The following NALCN variants were observed in gnomAD, a reference collection of about 807,000 sequenced individuals.
NALCN encodes the protein sodium leak channel, non-selective, also known as sodium leak channel NALCN.
A neutral mutation model predicts 225.3 loss-of-function variants in NALCN; 111 were observed. That is an observed-to-expected ratio of 0.49 (90% CI 0.42 to 0.58). NALCN has a LOEUF of 0.58. Among genes scored for constraint, NALCN ranks in the 20% least tolerant of loss-of-function variants. NALCN has a pLI of 0.00. For missense variants in NALCN, 1,378 were observed against 2,202.4 expected (o/e 0.63, Z 7.49); for synonymous variants, 764 against 769.0 (o/e 0.99, Z 0.11).
In NALCN at chr13:101,275,968, G is replaced by T. The variant is rs562208556; in HGVS notation, c.1134+7965C>A. Among the ~76,000 whole-genome samples the T allele has an allele frequency of 7.4e-5, 11 of 149,636 alleles. No individual in the cohort carries two copies. The South Asian group carries it at 2.3e-3, about 32-fold the overall frequency. On this transcript the variant is annotated intron_variant, in intron 10 of 43. Transcript: ENST00000251127. Reference sequence around the variant, plus strand: ...AGTCTCAGCTACTCAGGAGGCTGAGGCAGGAGAATCGCTTGAACCTGGGAG... The same window carrying T: ...AGTCTCAGCTACTCAGGAGGCTGAGTCAGGAGAATCGCTTGAACCTGGGAG...
intron 13 of NALCN, among the ~76,000 whole-genome samples, chr13:101,214,750 A>G (rs2040664953): frequency 6.6e-6 from 1 of 152,136 alleles, no homozygotes; most frequent in South Asian, 2.1e-4. Context: ...CAAAGTCATG[A>G]ACCTTTGAAA....
chr13:101,301,524 CA>C (rs1484722932), intron 7 of NALCN, among the ~76,000 whole-genome samples: 2 of 152,038 alleles, frequency 1.3e-5, no homozygotes, highest in African/African-American at 4.8e-5. Context: ...AGCTTGAGAC[CA>C]ACCTGGCCAA....
intron 17 of NALCN, 171 bp downstream of exon 17, chr13:101,142,909 A>G: frequency 1.1e-6 from 1 of 920,110 alleles, no homozygotes; most frequent in Non-Finnish European, 1.6e-6. Context: ...CAAAATTTCA[A>G]TGCATAGAGT....
At chr13:101,213,347 GA>G (rs773040969) in intron 13 of NALCN, among the ~76,000 whole-genome samples, 13 of 152,174 alleles carry the variant, frequency 8.5e-5, no homozygotes, top group Non-Finnish European at 1.5e-4. Flanking sequence ...AAAAACCCTA[GA>G]AGAAAATCTA....
chr13:101,244,565 T>G (rs2041838992), intron 11 of NALCN, among the ~76,000 whole-genome samples: 1 of 152,204 alleles, frequency 6.6e-6, no homozygotes, highest in South Asian at 2.1e-4. Context: ...TTTGTTAACT[T>G]TTACAAGCCA....
chr13:101,306,382 C>G (rs2044154942), intron 7 of NALCN, among the ~76,000 whole-genome samples: 1 of 152,218 alleles, frequency 6.6e-6, no homozygotes, highest in Admixed American at 6.5e-5. Flanking sequence ...TGTGACCCTT[C>G]TCCCACGTCG....
intron 15 of NALCN, among the ~76,000 whole-genome samples, chr13:101,173,127 A>G (rs554619031): frequency 6.6e-6 from 1 of 152,272 alleles, no homozygotes; most frequent in Admixed American, 6.5e-5. Flanking sequence ...CTCTGATTAG[A>G]TCCTCTGAGT....
intron 6 of NALCN, among the ~76,000 whole-genome samples, chr13:101,370,065 T>C (rs995986470): frequency 7.9e-5 from 12 of 152,238 alleles, no homozygotes; most frequent in Non-Finnish European, 1.5e-4. Flanking sequence ...AAATAGAATA[T>C]GTTCTCAACC....
chr13:101,397,137 G>A, intron 2 of NALCN, among the ~76,000 whole-genome samples: 1 of 133,666 alleles, frequency 7.5e-6, no homozygotes, highest in African/African-American at 2.7e-5. Context: ...TATAATGTGT[G>A]CATATACACA....
chr13:101,368,206 ATG>A (rs987409587), intron 6 of NALCN, among the ~76,000 whole-genome samples: 6 of 133,106 alleles, frequency 4.5e-5, no homozygotes, highest in African/African-American at 1.7e-4. Flanking sequence ...TCCTGTATCC[ATG>A]TGTTCTCATT....
intron 7 of NALCN, among the ~76,000 whole-genome samples, chr13:101,311,977 A>C (rs1021734697): frequency 6.6e-6 from 1 of 151,856 alleles, no homozygotes; most frequent in East Asian, 2.0e-4. Flanking sequence ...TCGGCTGTGA[A>C]TCCATCTGGT....
rs560718578 is a variant in NALCN at position 101,402,661 on chromosome 13, T to C, written c.-39-3496A>G. Among the ~76,000 whole-genome samples the C allele has an allele frequency of 9.2e-5, 14 of 152,310 alleles. No homozygotes were observed. In the South Asian group the frequency reaches 2.9e-3, roughly 32 times the overall value. ...TGTCTTCTCTACTTAACCCCTTAAG[T>C]GATCACCTGTTGTTACAGTTTCCAT... On this transcript the variant is annotated intron_variant, in intron 1 of 43. Transcript: ENST00000251127.
At chr13:101,101,037 CACACAATTA>C (rs1298955058) in intron 26 of NALCN, 149 bp from the exon 27 acceptor site, 1 of 563,002 alleles carries the variant, frequency 1.8e-6, no homozygotes, top group Admixed American at 3.7e-5. Context: ...CACCATAGGT[CACACAATTA>C]GCCTTACTGG....
rs747917148 is a variant in NALCN, at chr13:101,081,633, A to G, written c.3779T>C (p.Ile1260Thr). 10 of 1,614,008 alleles carry G rather than the reference A, an allele frequency of 6.2e-6. No individual in the cohort carries two copies. The highest frequency in any genetic ancestry group is 1.3e-5 in the African/African-American group (1 of 74,930). ...FIFVLEVTMK[I>T]IAMSPAGFWQ... ...GAAGCCAGCAGGCGACATTGCTATGATCTTCATGGTAACCTGGAGAAAAAG... is the reference window on the plus strand; with the variant it reads ...GAAGCCAGCAGGCGACATTGCTATGGTCTTCATGGTAACCTGGAGAAAAAG... Residue 1260 changes from isoleucine to threonine, a missense_variant, in exon 34 of 44, where the codon ATC becomes ACC. Physicochemically the swap from Ile to Thr is moderately conservative, Grantham distance 89. Around this residue, in one of 19 missense-constraint regions of NALCN, gnomAD observed 98 missense variants for 156.6 expected, o/e 0.63. Transcript: ENST00000251127.
intron 13 of NALCN, among the ~76,000 whole-genome samples, chr13:101,227,913 C>G (rs2041207656): frequency 1.3e-5 from 2 of 152,168 alleles, no homozygotes; most frequent in African/African-American, 4.8e-5. Flanking sequence ...GAATCCGTTC[C>G]CTTGCACTTC....
chr13:101,268,048 G>A (rs1318088292), intron 10 of NALCN, among the ~76,000 whole-genome samples: 1 of 152,116 alleles, frequency 6.6e-6, no homozygotes, highest in Non-Finnish European at 1.5e-5. Context: ...GTGCCTTCTC[G>A]AAAGTCTCCC....
chr13:101,348,949 C>A (rs1483522971), intron 6 of NALCN, among the ~76,000 whole-genome samples: 1 of 152,072 alleles, frequency 6.6e-6, no homozygotes, highest in Non-Finnish European at 1.5e-5. Flanking sequence ...TAACAAGAAT[C>A]TTCCAGAGTT....
chr13:101,395,188 C>A lies in NALCN; in HGVS notation c.286G>T (p.Val96Phe). The A allele has an allele frequency of 6.2e-7, 1 of 1,612,056 alleles. No homozygotes were observed. The highest frequency in any genetic ancestry group is 8.5e-7 in the Non-Finnish European group (1 of 1,179,028). The stretch of plus-strand genomic sequence containing the variant: ...AATGACATGGAAGTGCTCACCTTGA[C>A]AATGCCCCGGATGTGCATTTTTGCT... ...MIAKMHIRGIVKGDSSYVKDR... is the reference protein window; with the variant it reads ...MIAKMHIRGIFKGDSSYVKDR... Residue 96 changes from valine to phenylalanine, a missense_variant, in exon 3 of 44, where the codon GTC becomes TTC. Physicochemically the swap from Val to Phe is conservative, Grantham distance 50. Transcript: ENST00000251127.
At chr13:101,391,441 G>A (rs2047141863) in intron 3 of NALCN, among the ~76,000 whole-genome samples, 1 of 152,136 alleles carries the variant, frequency 6.6e-6, no homozygotes, top group Non-Finnish European at 1.5e-5. Flanking sequence ...CCAGCACTTT[G>A]GGAGGCCGAG....
Sources: allele counts gnomAD v4.1 joint callset (sites outside exome capture counted in the v4.1 genomes callset), GRCh38; gene constraint gnomAD v4.1.1; regional missense constraint gnomAD v4.1.1; transcripts MANE v1.5; gene names NCBI Gene and HGNC (gene_info 2026-07-23, HGNC 2026-07-21).